Variants in FAM171A1 observed in about 807,000 individuals in gnomAD.
FAM171A1 encodes the protein protein FAM171A1.
In FAM171A1, 23 loss-of-function variants were observed where a neutral mutation model predicts 74.9. The ratio of observed to expected loss-of-function variants is 0.31; its 90% CI spans 0.22 to 0.44. FAM171A1 has a LOEUF of 0.44. FAM171A1 is among the 20% of genes least tolerant of loss of function. The probability of loss-of-function intolerance (pLI) is 1.00; values close to 1 mark genes in which losing one functional copy is unlikely to be tolerated. For synonymous variants in FAM171A1, 527 were observed against 505.7 expected (o/e 1.04, Z -0.57); for missense variants, 1,162 against 1,159.2 (o/e 1.00, Z -0.03).
intron 1 of FAM171A1, among the ~76,000 whole-genome samples, chr10:15,364,201 G>A (rs556246242): frequency 2.0e-5 from 3 of 152,306 alleles, no homozygotes; most frequent in East Asian, 3.9e-4. Context: ...CAAGACTTCT[G>A]AAAGTGGCTT....
At chr10:15,365,353 T>G (rs1836046542) in intron 1 of FAM171A1, among the ~76,000 whole-genome samples, 1 of 152,176 alleles carries the variant, frequency 6.6e-6, no homozygotes, top group Non-Finnish European at 1.5e-5. Context: ...GTCTACCAGT[T>G]TGCTGGACAT....
chr10:15,369,148 G>A (rs1223480298), intron 1 of FAM171A1, among the ~76,000 whole-genome samples: 1 of 151,300 alleles, frequency 6.6e-6, no homozygotes, highest in East Asian at 1.9e-4. Context: ...CCTGAGAGGC[G>A]GATTTTTAGC....
Position 15,253,766 on chromosome 10 carries a change from A to C in FAM171A1, c.577+955T>G, listed in dbSNP as rs187682866. ...AAATTTTAATGCTGTGATTAGTTTA[A>C]AGTGTGGGGGAAAGGAAAGTGGGGT... is the stretch of plus-strand genomic sequence containing the variant. On this transcript the variant is annotated intron_variant, in intron 4 of 7. Coordinates refer to ENST00000378116, the MANE Select transcript of FAM171A1 (RefSeq NM_001010924.2). 2.6e-5 allele frequency among the ~76,000 whole-genome samples: 4 copies of C among 152,268 alleles called. No homozygotes were observed. The East Asian group carries it at 7.7e-4, about 29-fold the overall frequency.
intron 1 of FAM171A1, among the ~76,000 whole-genome samples, chr10:15,314,061 C>T (rs886775855): frequency 6.6e-6 from 1 of 152,206 alleles, no homozygotes; most frequent in African/African-American, 2.4e-5. Flanking sequence ...TGACACTGTG[C>T]CTCCCCAATC....
chr10:15,280,636 A>G (rs2131805555), intron 2 of FAM171A1, among the ~76,000 whole-genome samples: 1 of 152,348 alleles, frequency 6.6e-6, no homozygotes. Flanking sequence ...AGGATGAAAA[A>G]GGAAATCCGT....
In FAM171A1 at chr10:15,214,480, C is replaced by A; in HGVS notation, c.1108G>T (p.Ala370Ser). 2 of 1,614,176 alleles carry A rather than the reference C, an allele frequency of 1.2e-6. No homozygotes were observed. Among genetic ancestry groups the A allele is most frequent in the Non-Finnish European group, 1.7e-6 (2 of 1,180,040 alleles). ...SHINLLFSRR[A>S]SEFPGPLSVT... ...GACAGCGGGCCAGGGAATTCTGACGCTCGGCGTGAAAACAGCAAGTTAATG... is the reference window on the plus strand; with the variant it reads ...GACAGCGGGCCAGGGAATTCTGACGATCGGCGTGAAAACAGCAAGTTAATG... The change falls in exon 8 of 8, where the codon GCG (alanine) becomes TCG (serine). Residue 370 changes from alanine (A) to serine (S), a missense_variant. Coordinates refer to ENST00000378116, the MANE Select transcript of FAM171A1 (RefSeq NM_001010924.2).
intron 1 of FAM171A1, among the ~76,000 whole-genome samples, chr10:15,306,007 G>A (rs1019062590): frequency 3.9e-5 from 6 of 152,156 alleles, no homozygotes; most frequent in African/African-American, 7.2e-5. Flanking sequence ...TCATCAGAAC[G>A]GGGTCTGACA....
chr10:15,341,336 A>G (rs369262379), intron 1 of FAM171A1, among the ~76,000 whole-genome samples: 14 of 152,210 alleles, frequency 9.2e-5, no homozygotes, highest in Admixed American at 4.6e-4. Flanking sequence ...CTTATTTTCA[A>G]TGGACTGAAG....
intron 1 of FAM171A1, among the ~76,000 whole-genome samples, chr10:15,291,992 C>T (rs1835107024): frequency 1.3e-5 from 2 of 152,102 alleles, no homozygotes; most frequent in Admixed American, 1.3e-4. Flanking sequence ...ATAACAAAAC[C>T]CCATAAACTG....
In FAM171A1 at chr10:15,221,006, G is replaced by T; in HGVS notation, c.809C>A (p.Thr270Lys). ...GLVHQEGSQL[T>K]WTYIAPQLGY... ...CAACTGGGGGGCAATGTATGTCCACGTCAGCTGGCTGCCTTCCTGGTGCAC... is the reference window on the plus strand; with the variant it reads ...CAACTGGGGGGCAATGTATGTCCACTTCAGCTGGCTGCCTTCCTGGTGCAC... The change falls in exon 6 of 8, where the codon ACG becomes AAG. Residue 270 changes from threonine (T) to lysine (K), a missense_variant. Thr to Lys is a moderately conservative substitution (Grantham distance 78, BLOSUM62 -1). Transcript: ENST00000378116. The T allele has an allele frequency of 6.2e-7, 1 of 1,614,132 alleles. No homozygotes were observed. Among genetic ancestry groups the T allele is most frequent in the Non-Finnish European group, 8.5e-7 (1 of 1,180,022 alleles).
intron 1 of FAM171A1, among the ~76,000 whole-genome samples, chr10:15,338,355 G>A (rs146798413): frequency 6.6e-6 from 1 of 152,156 alleles, no homozygotes. Flanking sequence ...TACATTATGT[G>A]CCTATCAAAC....
chr10:15,374,155 T>A (rs1836178599), upstream of FAM171A1, among the ~76,000 whole-genome samples: 1 of 152,222 alleles, frequency 6.6e-6, no homozygotes, highest in South Asian at 2.1e-4. Flanking sequence ...CAGGACGAAT[T>A]GGAACTTTAG....
rs1238387140 is a variant in FAM171A1 at position 15,360,838 on chromosome 10, T to C, written c.97+10118A>G. ...ACGCCTTCATCAAGGCAGCCCAACATCACCCTGGCGGTTCTGGTAGCCAAG... is the reference window on the plus strand; with the variant it reads ...ACGCCTTCATCAAGGCAGCCCAACACCACCCTGGCGGTTCTGGTAGCCAAG... On this transcript the variant is annotated intron_variant, in intron 1 of 7. Transcript: ENST00000378116. 3.9e-5 allele frequency among the ~76,000 whole-genome samples: 6 copies of C among 152,310 alleles called. No individual in the cohort carries two copies. In the East Asian group the frequency reaches 1.2e-3, roughly 29 times the overall value.
intron 1 of FAM171A1, among the ~76,000 whole-genome samples, chr10:15,304,256 T>C (rs1835266991): frequency 6.6e-6 from 1 of 152,212 alleles, no homozygotes; most frequent in Non-Finnish European, 1.5e-5. Flanking sequence ...TGTTCTCTAA[T>C]TTTGATGCTT....
intron 6 of FAM171A1, among the ~76,000 whole-genome samples, chr10:15,219,968 C>T (rs747679301): frequency 6.6e-5 from 10 of 152,208 alleles, no homozygotes; most frequent in Non-Finnish European, 1.3e-4. Flanking sequence ...TTTTTCCACA[C>T]CTGTTTAGGA....
intron 1 of FAM171A1, 120 bp downstream of exon 1, chr10:15,370,835 CG>C (rs1588576715): frequency 7.0e-6 from 2 of 287,560 alleles, no homozygotes; most frequent in Non-Finnish European, 1.0e-5. Context: ...GCTCCCGATG[CG>C]GCTCGGGCTG....
chr10:15,254,807 T>C lies in FAM171A1; in HGVS notation c.491A>G (p.Asp164Gly). The C allele has an allele frequency of 6.2e-7, 1 of 1,614,188 alleles. No individual in the cohort carries two copies. Among genetic ancestry groups the C allele is most frequent in the South Asian group, 1.1e-5 (1 of 91,078 alleles). ...LRLPENTSYS[D>G]LTAFLTAASS... ...GGCGGCCGTGAGAAACGCGGTCAGG[T>C]CACTGTAGCTGGTGTTCTCAGGCAA... Residue 164 changes from aspartate (D) to glycine (G), a missense_variant, in exon 4 of 8, where the codon GAC becomes GGC. Coordinates refer to ENST00000378116, the MANE Select transcript of FAM171A1 (RefSeq NM_001010924.2).
In FAM171A1 at chr10:15,328,465, G is replaced by A. The variant is rs1418733676; in HGVS notation, c.97+42491C>T. ...CCTGGCCTGTTGTTGTTTTAAATCA[G>A]GAACTGAGCTATTTTGAACAAGATG... On this transcript the variant is annotated intron_variant, in intron 1 of 7. Coordinates refer to ENST00000378116, the MANE Select transcript of FAM171A1 (RefSeq NM_001010924.2). Among the ~76,000 whole-genome samples the A allele has an allele frequency of 2.0e-5, 3 of 152,270 alleles. No individual in the cohort carries two copies. The East Asian group carries it at 5.8e-4, about 29-fold the overall frequency.
intron 1 of FAM171A1, among the ~76,000 whole-genome samples, chr10:15,368,503 A>G (rs1021279373): frequency 6.6e-6 from 1 of 152,204 alleles, no homozygotes; most frequent in Non-Finnish European, 1.5e-5. Flanking sequence ...GAATGATTCA[A>G]ACAACAGATT....
Sources: gnomAD v4.1 joint callset for allele counts (sites outside exome capture counted in the v4.1 genomes callset) on GRCh38, gnomAD v4.1.1 for gene constraint, MANE v1.5 for transcripts, NCBI Gene and HGNC (gene_info 2026-07-23, HGNC 2026-07-21) for gene names.